UACA: variants seen among roughly 807,000 people sequenced by gnomAD.
UACA encodes the protein nuclear membrane binding protein.
A neutral mutation model predicts 160.5 loss-of-function variants in UACA; 112 were observed. The observed-to-expected ratio is 0.70, with a 90% CI of 0.60 to 0.82. The LOEUF is 0.82. Ranked by LOEUF, UACA falls within the 40% of genes least tolerant of loss-of-function variation. UACA has a pLI of 0.00. For synonymous variants in UACA, 557 were observed against 568.4 expected (o/e 0.98, Z 0.29); for missense variants, 1,574 against 1,614.6 (o/e 0.97, Z 0.43).
In UACA at chr15:70,763,318, C is replaced by A. The variant is rs1018739476; in HGVS notation, c.78+12G>T. 4 of 1,333,402 alleles carry A rather than the reference C, an allele frequency of 3.0e-6. No homozygotes were observed. The highest frequency in any genetic ancestry group is 3.9e-6 in the Non-Finnish European group (4 of 1,036,668). The allele number at this position is 1,333,402 out of a possible 1,614,324, so 82.6% of individuals were successfully genotyped here. On this transcript the variant is annotated intron_variant, in intron 1 of 18. Transcript: ENST00000322954. ...GAGCGGAGCGCCTCGCAGCCCGGAC[C>A]GCGGGACTCACCGCGCTGGCGGCGG...
rs748426431 is a variant in UACA, at chr15:70,695,086, T to C, written c.232A>G (p.Lys78Glu). 2.1e-5 allele frequency: 34 copies of C among 1,608,072 alleles called. No homozygotes were observed. The highest frequency in any genetic ancestry group is 2.8e-5 in the Non-Finnish European group (33 of 1,177,096). The stretch of plus-strand genomic sequence containing the variant: ...GCATTCAAACACTCAAGATTCCCCT[T>C]TGAGGTCACAACATGGAAGCTAAAC... ...GRSVFHVVTS[K>E]GNLECLNAIL... The change falls in exon 3 of 19, where the codon AAG (lysine) becomes GAG (glutamate). Residue 78 changes from lysine to glutamate, a missense_variant. Transcript: ENST00000322954.
intron 1 of UACA, among the ~76,000 whole-genome samples, chr15:70,714,486 A>G (rs966557534): frequency 1.3e-5 from 2 of 152,160 alleles, no homozygotes; most frequent in African/African-American, 2.4e-5. Flanking sequence ...TTTGGACTCA[A>G]TGGAACAAAC....
chr15:70,678,080 A>G lies in UACA; in HGVS notation c.999+19T>C. On this transcript the variant is annotated intron_variant, in intron 11 of 18. Coordinates refer to ENST00000322954, the MANE Select transcript of UACA (RefSeq NM_018003.4). ...ATATAGTAAGACAGTTTATTTTTCT[A>G]TTATGCAGATTTATTTACCTCATTC... 1.3e-6 allele frequency: 2 copies of G among 1,507,976 alleles called. No individual in the cohort carries two copies. The highest frequency in any genetic ancestry group is 1.8e-6 in the Non-Finnish European group (2 of 1,109,978). 93.4% of individuals were successfully genotyped at this position (1,507,976 alleles called of 1,614,324 possible).
rs539262081 is a variant in UACA at position 70,665,754 on chromosome 15, A to G, written c.3961-940T>C. ...CAAGCTTAGAGCATTTAAATTCTCA[A>G]TCACAGAGATGGTGTGCCAGAGGAC... On this transcript the variant is annotated intron_variant, in intron 16 of 18. Transcript: ENST00000322954. Among the ~76,000 whole-genome samples, 4 of 152,326 alleles carry G rather than the reference A, an allele frequency of 2.6e-5. No individual in the cohort carries two copies. In the East Asian group the frequency reaches 7.7e-4, roughly 29 times the overall value.
At chr15:70,718,389 C>G (rs1294148655) in intron 1 of UACA, among the ~76,000 whole-genome samples, 1 of 136,178 alleles carries the variant, frequency 7.3e-6, no homozygotes, top group African/African-American at 2.7e-5. Flanking sequence ...GTTGACATCC[C>G]TAGGTTATTG....
At position 70,667,251 on chromosome 15, in the gene UACA, C is replaced by T; in HGVS notation, c.3433G>A (p.Glu1145Lys). The T allele has an allele frequency of 6.2e-7, 1 of 1,613,758 alleles. No homozygotes were observed. The highest frequency in any genetic ancestry group is 1.3e-5 in the African/African-American group (1 of 75,002). ...TGCAGTTTGGTCACTGTCTGCTGCTCTTTCTCGTAACACCTTTGCATACTC... is the reference window on the plus strand; with the variant it reads ...TGCAGTTTGGTCACTGTCTGCTGCTTTTTCTCGTAACACCTTTGCATACTC... Reference protein sequence around the residue: ...LKSMQRCYEKEQQTVTKLHQL... With the variant: ...LKSMQRCYEKKQQTVTKLHQL... The change falls in exon 16 of 19, where the codon GAG (glutamate) becomes AAG (lysine). Residue 1145 changes from glutamate (E) to lysine (K), a missense_variant. Physicochemically the swap from Glu to Lys is moderately conservative, Grantham distance 56 (BLOSUM62 1). Coordinates refer to ENST00000322954, the MANE Select transcript of UACA (RefSeq NM_018003.4).
At chr15:70,766,114 C>T (rs997693322), upstream of UACA, among the ~76,000 whole-genome samples, 5 of 152,184 alleles carry the variant, frequency 3.3e-5, no homozygotes, top group African/African-American at 1.2e-4. Flanking sequence ...ATGATGTCCC[C>T]ATGGTGTCTG....
chr15:70,716,685 T>C (rs1898830031), intron 1 of UACA, among the ~76,000 whole-genome samples: 1 of 152,220 alleles, frequency 6.6e-6, no homozygotes, highest in South Asian at 2.1e-4. Flanking sequence ...AATGTCTTTT[T>C]ACCCTCCTAA....
chr15:70,778,276 A>G, the UACA span, among the ~76,000 whole-genome samples: 1 of 152,216 alleles, frequency 6.6e-6, no homozygotes, highest in African/African-American at 2.4e-5. Context: ...AACCCAAAGT[A>G]CTCATTTTGT....
chr15:70,704,411 TAA>T (rs935731232), intron 1 of UACA, among the ~76,000 whole-genome samples: 23 of 152,168 alleles, frequency 1.5e-4, no homozygotes, highest in African/African-American at 5.3e-4. Context: ...TCATGGTCGA[TAA>T]AAGATCCTTC....
At chr15:70,711,772 A>G (rs1898688795) in intron 1 of UACA, among the ~76,000 whole-genome samples, 1 of 152,154 alleles carries the variant, frequency 6.6e-6, no homozygotes, top group South Asian at 2.1e-4. Context: ...ATTACAGTAT[A>G]CTATAACACC....
At chr15:70,698,614 T>C (rs1419348989) in intron 2 of UACA, among the ~76,000 whole-genome samples, 4 of 152,208 alleles carry the variant, frequency 2.6e-5, no homozygotes. Flanking sequence ...TCCAAGGCAG[T>C]GACCCACATC....
chr15:70,671,753 T>C (rs1474928310), intron 14 of UACA: 1 of 351,138 alleles, frequency 2.8e-6, no homozygotes, highest in African/African-American at 2.1e-5. Flanking sequence ...AAAATACAGG[T>C]AGCTAAGGAG....
intron 13 of UACA, among the ~76,000 whole-genome samples, chr15:70,674,509 T>C (rs1897246000): frequency 6.6e-6 from 1 of 152,016 alleles, no homozygotes; most frequent in African/African-American, 2.4e-5. Flanking sequence ...ATAAGTATTT[T>C]TATAAGAAAA....
intron 13 of UACA, among the ~76,000 whole-genome samples, chr15:70,672,628 A>C (rs2140913155): frequency 6.6e-6 from 1 of 152,290 alleles, no homozygotes; most frequent in African/African-American, 2.4e-5. Flanking sequence ...AGCCAAATAC[A>C]AAGAATCTAA....
chr15:70,696,235 C>A (rs1235718547), intron 2 of UACA, among the ~76,000 whole-genome samples: 1 of 152,092 alleles, frequency 6.6e-6, no homozygotes, highest in East Asian at 1.9e-4. Context: ...CCAATCCCTG[C>A]CTTTATTATT....
At position 70,667,127 on chromosome 15, in the gene UACA, C is replaced by T. The variant is rs776890041; in HGVS notation, c.3557G>A (p.Ser1186Asn). 74 of 1,613,348 alleles carry T rather than the reference C, an allele frequency of 4.6e-5. No homozygotes were observed. The highest frequency in any genetic ancestry group is 8.4e-5 in the Admixed American group (5 of 59,876). ...GCTTTCTTCTTCCTTTTCTCTCAAG[C>T]TGGCTTTTATGATTCCAACTTCTTT... Reference protein sequence around the residue: ...FEKEVGIIKASLREKEEESQN... With the variant: ...FEKEVGIIKANLREKEEESQN... The change falls in exon 16 of 19, where the codon AGC becomes AAC. Residue 1186 changes from serine to asparagine, a missense_variant. By Grantham distance (46) the Ser-to-Asn change is conservative. Coordinates refer to ENST00000322954, the MANE Select transcript of UACA (RefSeq NM_018003.4).
chr15:70,718,163 C>A (rs1416097290), intron 1 of UACA, among the ~76,000 whole-genome samples: 1 of 142,654 alleles, frequency 7.0e-6, no homozygotes, highest in Non-Finnish European at 1.5e-5. Context: ...TTTGGTACAT[C>A]AACAGAAAGT....
At chr15:70,729,418 G>A (rs1015918493) in intron 1 of UACA, among the ~76,000 whole-genome samples, 8 of 152,104 alleles carry the variant, frequency 5.3e-5, no homozygotes, top group Non-Finnish European at 1.0e-4. Context: ...ACTATCCCAC[G>A]CAAATTAATG....
Sources: gnomAD v4.1 joint callset for allele counts (sites outside exome capture counted in the v4.1 genomes callset) on GRCh38, gnomAD v4.1.1 for gene constraint, MANE v1.5 for transcripts, NCBI Gene and HGNC (gene_info 2026-07-23, HGNC 2026-07-21) for gene names.